The following TM6SF1 variants were observed in gnomAD, a reference collection of about 807,000 sequenced individuals.
TM6SF1 encodes the protein transmembrane 6 superfamily member 1.
A neutral mutation model predicts 47.1 loss-of-function variants in TM6SF1; 43 were observed. The ratio of observed to expected loss-of-function variants is 0.91; its 90% CI spans 0.72 to 1.18. TM6SF1 has a LOEUF of 1.18. Among genes scored for constraint, TM6SF1 ranks in the 50% most tolerant of loss-of-function variants. The pLI is 0.00. For synonymous variants in TM6SF1, 177 were observed against 166.3 expected (o/e 1.06, Z -0.49); for missense variants, 390 against 449.0 (o/e 0.87, Z 1.19).
At chr15:83,109,028 G>A (rs1460165444) in intron 1 of TM6SF1, among the ~76,000 whole-genome samples, 2 of 152,260 alleles carry the variant, frequency 1.3e-5, no homozygotes, top group Non-Finnish European at 2.9e-5. Flanking sequence ...AGTGCCTACT[G>A]TGTGTTTGGC....
In TM6SF1 at chr15:83,122,761, G is replaced by C; in HGVS notation, c.486G>C (p.Lys162Asn). 5 of 1,613,704 alleles carry C rather than the reference G, an allele frequency of 3.1e-6. No individual in the cohort carries two copies. Among genetic ancestry groups the C allele is most frequent in the Non-Finnish European group, 4.2e-6 (5 of 1,179,928 alleles). ...CTCTTTCTCTCTTTTAAATAGGGAA[G>C]TATGGAACACGAATTTGCCCTGCTT... ...VVFVPGNIVG[K>N]YGTRICPAFF... Residue 162 changes from lysine to asparagine, a missense_variant, in exon 6 of 10, where the codon AAG (lysine) becomes AAC (asparagine). Lys to Asn is a moderately conservative substitution (Grantham distance 94). Transcript: ENST00000322019.
In TM6SF1 at chr15:83,124,773, T is replaced by C. The variant is rs767185858; in HGVS notation, c.705T>C (p.Gly235=). The part of the protein sequence containing the change: ...LLATGFCLFR[G]LIALDCPSEL... The stretch of plus-strand genomic sequence containing the variant: ...CAACTGGATTTTGCCTGTTCAGAGG[T>C]TTGGTAAGCATAACAGATCATAATA... The change falls in exon 7 of 10, where the codon GGT becomes GGC. Residue 235 remains glycine, a synonymous_variant. Coordinates refer to ENST00000322019, the MANE Select transcript of TM6SF1 (RefSeq NM_023003.5). The C allele has an allele frequency of 9.3e-6, 15 of 1,611,866 alleles. No individual in the cohort carries two copies. The South Asian group carries it at 1.5e-4, about 17-fold the overall frequency.
intron 9 of TM6SF1, chr15:83,129,277 G>A (rs557884036): frequency 6.6e-6 from 1 of 152,310 alleles, no homozygotes; most frequent in South Asian, 2.1e-4. Context: ...TCTAAGGATA[G>A]GCTATGTGCT....
At chr15:83,119,529 C>T (rs746796811) in intron 3 of TM6SF1, 49 bp from the exon 4 acceptor site, 1 of 1,584,638 alleles carries the variant, frequency 6.3e-7, no homozygotes, top group South Asian at 1.1e-5. Flanking sequence ...TGATGTTCTG[C>T]ATTTACAGGT....
chr15:83,124,751 C>A lies in TM6SF1; in HGVS notation c.683C>A (p.Thr228Asn). The A allele has an allele frequency of 6.2e-7, 1 of 1,614,088 alleles. No individual in the cohort carries two copies. The highest frequency in any genetic ancestry group is 8.5e-7 in the Non-Finnish European group (1 of 1,179,982). ...TTGGTTGTGTGTCTCCTCCTGGCAACTGGATTTTGCCTGTTCAGAGGTTTG... is the reference window on the plus strand; with the variant it reads ...TTGGTTGTGTGTCTCCTCCTGGCAAATGGATTTTGCCTGTTCAGAGGTTTG... ...LMLVVCLLLA[T>N]GFCLFRGLIA... The change falls in exon 7 of 10, where the codon ACT becomes AAT. Residue 228 changes from threonine (T) to asparagine (N), a missense_variant. Coordinates refer to ENST00000322019, the MANE Select transcript of TM6SF1 (RefSeq NM_023003.5).
intron 7 of TM6SF1, among the ~76,000 whole-genome samples, chr15:83,125,467 CTG>C (rs2151373173): frequency 6.6e-6 from 1 of 152,306 alleles, no homozygotes; most frequent in African/African-American, 2.4e-5. Context: ...GTTTTCCTCT[CTG>C]TAAAATAACA....
At chr15:83,117,429 T>A (rs566234581) in intron 3 of TM6SF1, among the ~76,000 whole-genome samples, 1 of 151,430 alleles carries the variant, frequency 6.6e-6, no homozygotes. Context: ...TATGAGAAGG[T>A]AGAGAGAGAA....
intron 2 of TM6SF1, 171 bp downstream of exon 2, chr15:83,113,071 C>G (rs2034338036): frequency 6.4e-6 from 4 of 626,752 alleles, no homozygotes; most frequent in Non-Finnish European, 1.1e-5. Flanking sequence ...TATTGCCTCT[C>G]AGGCAGTGGA....
At chr15:83,108,615 GC>G (rs1316114484) in intron 1 of TM6SF1, among the ~76,000 whole-genome samples, 4 of 152,234 alleles carry the variant, frequency 2.6e-5, no homozygotes, top group African/African-American at 9.6e-5. Flanking sequence ...CCTGAGGGTC[GC>G]CGGGTGTTGG....
chr15:83,122,736 CTCTT>C lies in TM6SF1; in HGVS notation c.482-17_482-14del. ...TAGATATGCTTTTGGTAACTTCTTT[CTCTT>C]TCTCTCTTTTAAATAGGGAAGTATG... On this transcript the variant is annotated splice_polypyrimidine_tract_variant and intron_variant, in intron 5 of 9. Transcript: ENST00000322019. The C allele has an allele frequency of 1.9e-6, 3 of 1,609,396 alleles. No homozygotes were observed. The highest frequency in any genetic ancestry group is 2.5e-6 in the Non-Finnish European group (3 of 1,178,808).
Position 83,119,148 on chromosome 15 carries a change from GC to G in TM6SF1, c.295-428del, listed in dbSNP as rs1453019616. ...TGTTGTGCCATGCCCAGCCCAGCAA[GC>G]CACGGGATCAGCATGAATTATTAAG... On this transcript the variant is annotated intron_variant, in intron 3 of 9. Coordinates refer to ENST00000322019, the MANE Select transcript of TM6SF1 (RefSeq NM_023003.5). Among the ~76,000 whole-genome samples, 12 of 152,324 alleles carry G rather than the reference GC, an allele frequency of 7.9e-5. No individual in the cohort carries two copies. The East Asian group carries it at 2.3e-3, about 29-fold the overall frequency.
intron 1 of TM6SF1, among the ~76,000 whole-genome samples, chr15:83,108,993 C>CG (rs1234850371): frequency 6.6e-6 from 1 of 152,180 alleles, no homozygotes; most frequent in Non-Finnish European, 1.5e-5. Context: ...AATGGCATTA[C>CG]GGGTAGTTCA....
chr15:83,117,205 G>A (rs1418575731), intron 3 of TM6SF1, among the ~76,000 whole-genome samples: 2 of 152,200 alleles, frequency 1.3e-5, no homozygotes, highest in Non-Finnish European at 2.9e-5. Context: ...AGAAGGGACA[G>A]CTTGGGCAAA....
At chr15:83,123,554 G>C (rs1200076478) in intron 6 of TM6SF1, among the ~76,000 whole-genome samples, 2 of 152,174 alleles carry the variant, frequency 1.3e-5, no homozygotes, top group African/African-American at 2.4e-5. Flanking sequence ...GAGATAATCA[G>C]AATACGACTA....
At chr15:83,115,728 G>A (rs1374168533) in intron 2 of TM6SF1, 117 bp from the exon 3 acceptor site, 1 of 768,848 alleles carries the variant, frequency 1.3e-6, no homozygotes, top group African/African-American at 1.7e-5. Context: ...CTCGATAATT[G>A]TCCACAGCAT....
intron 4 of TM6SF1, among the ~76,000 whole-genome samples, chr15:83,121,081 T>G (rs901833494): frequency 6.6e-6 from 1 of 152,006 alleles, no homozygotes; most frequent in African/African-American, 2.4e-5. Context: ...ACTTTTTTTT[T>G]TTATTTTGAG....
chr15:83,119,658 G>A lies in TM6SF1; in HGVS notation c.375G>A (p.Val125=), dbSNP rs1307276469. 2 of 1,614,106 alleles carry A rather than the reference G, an allele frequency of 1.2e-6. No individual in the cohort carries two copies. Among genetic ancestry groups the A allele is most frequent in the African/African-American group, 1.3e-5 (1 of 74,942 alleles). Residue 125 remains valine (V), a synonymous_variant, in exon 4 of 10, where the codon GTG becomes GTA. Coordinates refer to ENST00000322019, the MANE Select transcript of TM6SF1 (RefSeq NM_023003.5). The part of the protein sequence containing the change: ...DGSAHYLMYL[V]MVAAIAWEET... Reference sequence around the variant, plus strand: ...CTGCTCATTATCTGATGTACCTGGTGATGGTGGCAGCCATAGCATGGGAGT... The same window carrying A: ...CTGCTCATTATCTGATGTACCTGGTAATGGTGGCAGCCATAGCATGGGAGT...
At chr15:83,113,657 G>A (rs2034396649) in intron 2 of TM6SF1, 1 of 152,570 alleles carries the variant, frequency 6.6e-6, no homozygotes, top group Non-Finnish European at 1.5e-5. Context: ...ACAGGTCTGT[G>A]GGTTGGGGCC....
chr15:83,111,902 T>C (rs980343987), intron 1 of TM6SF1, among the ~76,000 whole-genome samples: 4 of 152,292 alleles, frequency 2.6e-5, no homozygotes, highest in Non-Finnish European at 5.9e-5. Context: ...CACATAGGGG[T>C]GCAGAATACA....
Sources: gnomAD v4.1 joint callset for allele counts (sites outside exome capture counted in the v4.1 genomes callset) on GRCh38, gnomAD v4.1.1 for gene constraint, MANE v1.5 for transcripts, NCBI Gene and HGNC (gene_info 2026-07-23, HGNC 2026-07-21) for gene names.